Variants in CUL1 observed in about 807,000 individuals in gnomAD.
The protein encoded by CUL1 is cullin 1, also known as cullin-1.
A neutral mutation model predicts 118.0 loss-of-function variants in CUL1; 24 were observed. That is an observed-to-expected ratio of 0.20 (90% CI 0.15 to 0.29). The LOEUF is 0.29. Ranked by LOEUF, CUL1 falls within the 10% of genes least tolerant of loss-of-function variation. The probability of loss-of-function intolerance (pLI) is 1.00; values close to 1 mark genes in which losing one functional copy is unlikely to be tolerated. For missense variants in CUL1, 361 were observed against 933.8 expected (o/e 0.39, Z 7.99); for synonymous variants, 332 against 340.4 (o/e 0.98, Z 0.27).
At chr7:148,797,734 T>G in intron 17 of CUL1, 78 bp from the exon 18 acceptor site, 2 of 986,258 alleles carry the variant, frequency 2.0e-6, no homozygotes, top group Non-Finnish European at 3.1e-6. Flanking sequence ...GAAAATGGAC[T>G]GTGAGGTTGC....
intron 1 of CUL1, among the ~76,000 whole-genome samples, chr7:148,719,335 T>TA (rs1798325413): frequency 6.6e-6 from 1 of 152,090 alleles, no homozygotes; most frequent in Admixed American, 6.6e-5. Flanking sequence ...ATAACTTAGC[T>TA]ACTGTCTCTA....
chr7:148,714,828 T>G (rs181153720), intron 1 of CUL1, among the ~76,000 whole-genome samples: 2 of 152,154 alleles, frequency 1.3e-5, no homozygotes, highest in South Asian at 4.1e-4. Context: ...TGCACAGAAG[T>G]TCTGTTGTGA....
intron 2 of CUL1, among the ~76,000 whole-genome samples, chr7:148,742,770 T>G (rs1799187772): frequency 6.6e-6 from 1 of 151,808 alleles, no homozygotes; most frequent in African/African-American, 2.4e-5. Flanking sequence ...CCCAGCTAAT[T>G]TTTGTATTTT....
chr7:148,789,344 A>G (rs945327147), intron 14 of CUL1, among the ~76,000 whole-genome samples: 6 of 152,206 alleles, frequency 3.9e-5, no homozygotes, highest in Non-Finnish European at 7.3e-5. Context: ...AACATACACT[A>G]TAATGAAGTT....
chr7:148,776,936 A>G (rs1223364712), intron 9 of CUL1, among the ~76,000 whole-genome samples: 1 of 152,206 alleles, frequency 6.6e-6, no homozygotes, highest in Non-Finnish European at 1.5e-5. Context: ...CTACCTGGGG[A>G]ATCTTTTCAT....
chr7:148,710,271 A>T (rs887158713), intron 1 of CUL1, among the ~76,000 whole-genome samples: 1 of 148,182 alleles, frequency 6.7e-6, no homozygotes, highest in African/African-American at 2.6e-5. Flanking sequence ...GACTAGGGGC[A>T]TTACTATAAA....
rs909880538 is a variant in CUL1, at chr7:148,724,694, G to A, written c.-161-5268G>A. On this transcript the variant is annotated intron_variant, in intron 1 of 21. Coordinates refer to ENST00000325222, the MANE Select transcript of CUL1 (RefSeq NM_003592.3). ...CCTGCTTCACTCACCAGCCACCTGT[G>A]TGTCCAAGTCAGGAGGTGGCACATC... Among the ~76,000 whole-genome samples the A allele has an allele frequency of 2.6e-5, 4 of 152,350 alleles. No individual in the cohort carries two copies. In the South Asian group the frequency reaches 6.2e-4, roughly 24 times the overall value.
chr7:148,755,853 T>C (rs1799637829), intron 3 of CUL1, among the ~76,000 whole-genome samples: 1 of 152,276 alleles, frequency 6.6e-6, no homozygotes, highest in African/African-American at 2.4e-5. Context: ...GTGTACCTTA[T>C]ACATGTGGAG....
intron 8 of CUL1, 24 bp downstream of exon 8, chr7:148,766,747 G>A: frequency 4.4e-6 from 7 of 1,591,100 alleles, no homozygotes; most frequent in East Asian, 2.3e-5. Context: ...CTCATAAAAT[G>A]TAGGTATTTA....
At chr7:148,719,406 T>C (rs528317008) in intron 1 of CUL1, among the ~76,000 whole-genome samples, 3 of 152,352 alleles carry the variant, frequency 2.0e-5, no homozygotes, top group Admixed American at 1.3e-4. Context: ...ATTTTAATTG[T>C]TTGAATGAGA....
chr7:148,778,040 C>G (rs991452038), intron 9 of CUL1, among the ~76,000 whole-genome samples: 1 of 116,138 alleles, frequency 8.6e-6, no homozygotes, highest in Non-Finnish European at 1.7e-5. Context: ...TCCTGCACTC[C>G]TGCCAGGGTG....
chr7:148,710,742 C>A (rs2129459022), intron 1 of CUL1, among the ~76,000 whole-genome samples: 1 of 151,942 alleles, frequency 6.6e-6, no homozygotes, highest in African/African-American at 2.4e-5. Context: ...CACTGCAACC[C>A]CCGCCTTCTG....
chr7:148,731,063 G>T (rs1429847745), intron 2 of CUL1, among the ~76,000 whole-genome samples: 2 of 152,142 alleles, frequency 1.3e-5, no homozygotes, highest in African/African-American at 4.8e-5. Context: ...TATTTAAAAA[G>T]AATTTTATTC....
chr7:148,702,423 T>C (rs1357141146), intron 1 of CUL1, among the ~76,000 whole-genome samples: 1 of 152,230 alleles, frequency 6.6e-6, no homozygotes, highest in African/African-American at 2.4e-5. Context: ...ACACTGTTGA[T>C]TTCCTTAGGC....
At chr7:148,727,983 C>T (rs1214396563) in intron 1 of CUL1, among the ~76,000 whole-genome samples, 4 of 152,026 alleles carry the variant, frequency 2.6e-5, no homozygotes, top group Non-Finnish European at 5.9e-5. Context: ...AGACAGCTGA[C>T]GGCCATGTCA....
At chr7:148,796,665 G>T (rs1271329287) in intron 17 of CUL1, among the ~76,000 whole-genome samples, 1 of 152,182 alleles carries the variant, frequency 6.6e-6, no homozygotes. Context: ...GGACTGTCAG[G>T]TCTTTGCTTG....
At chr7:148,726,388 TAAA>T (rs750172244) in intron 1 of CUL1, among the ~76,000 whole-genome samples, 1 of 143,902 alleles carries the variant, frequency 6.9e-6, no homozygotes, top group Non-Finnish European at 1.5e-5. Flanking sequence ...AGTCAAGCTT[TAAA>T]AAAAAAAAAG....
intron 16 of CUL1, among the ~76,000 whole-genome samples, chr7:148,791,152 C>G (rs78709886): frequency 0.16 from 24,420 of 152,094 alleles, 2,059 homozygotes; most frequent in East Asian, 0.23. Flanking sequence ...AAGACCCCAT[C>G]TCTAGATATT....
At chr7:148,724,725 G>T (rs933863094) in intron 1 of CUL1, among the ~76,000 whole-genome samples, 1 of 152,090 alleles carries the variant, frequency 6.6e-6, no homozygotes, top group Admixed American at 6.5e-5. Flanking sequence ...ACATCTGCAG[G>T]GTACACGCCC....
Sources: allele counts gnomAD v4.1 joint callset (sites outside exome capture counted in the v4.1 genomes callset), GRCh38; gene constraint gnomAD v4.1.1; transcripts MANE v1.5; gene names NCBI Gene and HGNC (gene_info 2026-07-23, HGNC 2026-07-21).